Variants in FHIT observed in about 807,000 individuals in gnomAD.
The protein encoded by FHIT is fragile histidine triad diadenosine triphosphatase, also known as bis(5'-adenosyl)-triphosphatase.
In FHIT, 19 loss-of-function variants were observed where a neutral mutation model predicts 17.9. That is an observed-to-expected ratio of 1.06 (90% CI 0.74 to 1.56). The LOEUF (loss-of-function observed/expected upper bound fraction) is 1.56, where lower values mean the gene tolerates loss of function less well. FHIT is among the 40% of genes most tolerant of loss of function. The pLI is 0.00. For synonymous variants in FHIT, 81 were observed against 69.7 expected, an observed-to-expected ratio of 1.16 and a Z score of -0.81; for missense variants, 248 against 189.2, an observed-to-expected ratio of 1.31 and a Z score of -1.82.
At chr3:61,134,130 C>CACACACACAA (rs1200290794) in intron 2 of FHIT, among the ~76,000 whole-genome samples, 1 of 151,410 alleles carries the variant, frequency 6.6e-6, no homozygotes, top group Admixed American at 6.6e-5. Context: ...CACACACACA[C>CACACACACAA]AAAGAGGTCA....
intron 5 of FHIT, among the ~76,000 whole-genome samples, chr3:60,423,366 A>G (rs1244921855): frequency 6.6e-6 from 1 of 152,190 alleles, no homozygotes; most frequent in Non-Finnish European, 1.5e-5. Flanking sequence ...TGAGTATGAC[A>G]TAAAACATTA....
intron 3 of FHIT, among the ~76,000 whole-genome samples, chr3:60,884,036 T>G (rs1317596731): frequency 6.6e-6 from 1 of 152,078 alleles, no homozygotes; most frequent in Non-Finnish European, 1.5e-5. Context: ...AATAATTCAG[T>G]TTTAAACTGG....
At chr3:60,280,152 C>A (rs537232270) in intron 5 of FHIT, among the ~76,000 whole-genome samples, 1 of 151,840 alleles carries the variant, frequency 6.6e-6, no homozygotes, top group African/African-American at 2.4e-5. Context: ...TACAGAAAAG[C>A]ACTGACAAAA....
chr3:60,644,853 A>C (rs1468839851), intron 4 of FHIT, among the ~76,000 whole-genome samples: 1 of 152,290 alleles, frequency 6.6e-6, no homozygotes, highest in South Asian at 2.1e-4. Flanking sequence ...CCACCTTATT[A>C]GCCAGCATTC....
At chr3:59,912,179 C>G (rs1328333627) in intron 8 of FHIT, among the ~76,000 whole-genome samples, 1 of 152,196 alleles carries the variant, frequency 6.6e-6, no homozygotes, top group Non-Finnish European at 1.5e-5. Flanking sequence ...TATCATATCA[C>G]AGTCTCCCTC....
chr3:60,126,039 C>T (rs1400917412), intron 5 of FHIT, among the ~76,000 whole-genome samples: 1 of 152,088 alleles, frequency 6.6e-6, no homozygotes, highest in Non-Finnish European at 1.5e-5. Flanking sequence ...GTTCTGGCTT[C>T]TCCTGCAAGT....
At chr3:60,969,343 GATT>G (rs1037735796) in intron 3 of FHIT, among the ~76,000 whole-genome samples, 134 of 151,552 alleles carry the variant, frequency 8.8e-4, no homozygotes, top group African/African-American at 3.0e-3. Flanking sequence ...TTTTATTTCT[GATT>G]ATTATTTCAA....
At chr3:61,149,956 G>T (rs552697411) in intron 2 of FHIT, among the ~76,000 whole-genome samples, 1 of 152,302 alleles carries the variant, frequency 6.6e-6, no homozygotes, top group South Asian at 2.1e-4. Context: ...AAACTCAGAT[G>T]CATGGGTACA....
At chr3:60,932,502 G>T (rs1286727506) in intron 3 of FHIT, among the ~76,000 whole-genome samples, 3 of 151,998 alleles carry the variant, frequency 2.0e-5, no homozygotes, top group African/African-American at 7.2e-5. Context: ...AGAGTCTGGG[G>T]GTATCTATTC....
intron 7 of FHIT, among the ~76,000 whole-genome samples, chr3:59,993,339 A>G (rs1699370095): frequency 1.3e-5 from 2 of 152,100 alleles, no homozygotes; most frequent in Admixed American, 1.3e-4. Context: ...CTACAAAGCA[A>G]GTAATCAACA....
At chr3:60,907,562 A>G (rs998303293) in intron 3 of FHIT, among the ~76,000 whole-genome samples, 3 of 152,340 alleles carry the variant, frequency 2.0e-5, no homozygotes, top group African/African-American at 7.2e-5. Flanking sequence ...GTTAAATTTC[A>G]TGTGGAGAGT....
chr3:60,482,769 C>G (rs1339405524), intron 5 of FHIT, among the ~76,000 whole-genome samples: 1 of 151,328 alleles, frequency 6.6e-6, no homozygotes, highest in African/African-American at 2.4e-5. Context: ...ATTAAAAGAG[C>G]TAGAGAGGCA....
chr3:60,079,561 C>T (rs773635436), intron 5 of FHIT, among the ~76,000 whole-genome samples: 2 of 152,016 alleles, frequency 1.3e-5, no homozygotes, highest in Non-Finnish European at 2.9e-5. Flanking sequence ...CCCCTCTCTC[C>T]TTTTTGCTTC....
At chr3:60,398,472 C>T (rs1232792545) in intron 5 of FHIT, among the ~76,000 whole-genome samples, 1 of 152,104 alleles carries the variant, frequency 6.6e-6, no homozygotes, top group Non-Finnish European at 1.5e-5. Flanking sequence ...TCTGATCCTG[C>T]CTATCAAGTG....
At chr3:60,392,326 A>G (rs1701265807) in intron 5 of FHIT, among the ~76,000 whole-genome samples, 1 of 152,220 alleles carries the variant, frequency 6.6e-6, no homozygotes, top group Non-Finnish European at 1.5e-5. Context: ...CTTTACAAGA[A>G]GCTTATGGGG....
At chr3:59,936,500 T>C (rs1192119331) in intron 7 of FHIT, among the ~76,000 whole-genome samples, 1 of 152,200 alleles carries the variant, frequency 6.6e-6, no homozygotes, top group African/African-American at 2.4e-5. Context: ...AAACATTTAC[T>C]GCTCCATGAA....
rs1576341905 is a variant in FHIT at position 60,230,611 on chromosome 3, C to T, written c.104-216459G>A. Among the ~76,000 whole-genome samples, 3 of 152,310 alleles carry T rather than the reference C, an allele frequency of 2.0e-5. No individual in the cohort carries two copies. In the South Asian group the frequency reaches 6.2e-4, roughly 32 times the overall value. The stretch of plus-strand genomic sequence containing the variant: ...TTCACTGGTCTTGAAAAGAAAAGTT[C>T]AGGACATTGGGGAAAACTCAGTTGC... On this transcript the variant is annotated intron_variant, in intron 5 of 9. Transcript: ENST00000492590.
chr3:60,313,957 T>C (rs1397821104), intron 5 of FHIT, among the ~76,000 whole-genome samples: 2 of 152,228 alleles, frequency 1.3e-5, no homozygotes, highest in African/African-American at 4.8e-5. Flanking sequence ...TAGAGACTGT[T>C]GGTGCACTGG....
At chr3:60,199,694 T>C (rs543230345) in intron 5 of FHIT, among the ~76,000 whole-genome samples, 21 of 152,178 alleles carry the variant, frequency 1.4e-4, no homozygotes, top group Non-Finnish European at 2.8e-4. Flanking sequence ...GATATTTAAA[T>C]TTCCAGAACA....
Sources: gnomAD v4.1 joint callset for allele counts (sites outside exome capture counted in the v4.1 genomes callset) on GRCh38, gnomAD v4.1.1 for gene constraint, MANE v1.5 for transcripts, NCBI Gene and HGNC (gene_info 2026-07-23, HGNC 2026-07-21) for gene names.